Variants in EYS observed in about 807,000 individuals in gnomAD.
EYS encodes protein eyes shut homolog.
A neutral mutation model predicts 282.1 loss-of-function variants in EYS; 250 were observed. The ratio of observed to expected loss-of-function variants is 0.89; its 90% CI spans 0.80 to 0.98. The LOEUF (loss-of-function observed/expected upper bound fraction) is 0.98, where lower values mean the gene tolerates loss of function less well. Ranked by LOEUF, EYS falls within the 50% of genes least tolerant of loss-of-function variation. The probability of loss-of-function intolerance (pLI) is 0.00; values close to 1 mark genes in which losing one functional copy is unlikely to be tolerated. For missense variants in EYS, 4,016 were observed against 3,709.0 expected, an observed-to-expected ratio of 1.08 and a Z score of -2.15; for synonymous variants, 1,355 against 1,282.9, an observed-to-expected ratio of 1.06 and a Z score of -1.20.
At chr6:64,318,058 T>C (rs745339559) in intron 29 of EYS, among the ~76,000 whole-genome samples, 22 of 151,972 alleles carry the variant, frequency 1.4e-4, no homozygotes, top group Non-Finnish European at 2.9e-4. Context: ...GGAATAGCAT[T>C]GGGAGAAATA....
chr6:63,816,143 TACTA>T (rs1043086107), intron 36 of EYS, among the ~76,000 whole-genome samples: 1 of 152,148 alleles, frequency 6.6e-6, no homozygotes, highest in African/African-American at 2.4e-5. Context: ...TTCTAAGTAA[TACTA>T]ACAAAATAAA....
At chr6:64,841,030 G>C (rs975811898) in intron 19 of EYS, among the ~76,000 whole-genome samples, 10 of 151,792 alleles carry the variant, frequency 6.6e-5, no homozygotes, top group Middle Eastern at 6.8e-3. Context: ...TATTGCCCCT[G>C]TACAAAGCTT....
chr6:64,840,747 T>A (rs1245407175), intron 19 of EYS, among the ~76,000 whole-genome samples: 1 of 152,124 alleles, frequency 6.6e-6, no homozygotes, highest in Non-Finnish European at 1.5e-5. Context: ...AAATGATTTC[T>A]TTTTTATAAT....
intron 7 of EYS, among the ~76,000 whole-genome samples, chr6:65,388,401 G>A (rs548579897): frequency 1.3e-5 from 2 of 151,856 alleles, no homozygotes; most frequent in African/African-American, 4.8e-5. Context: ...AATTAAAACC[G>A]ATAAAAGTGG....
chr6:65,449,693 T>C (rs1244112336), intron 5 of EYS, among the ~76,000 whole-genome samples: 1 of 151,948 alleles, frequency 6.6e-6, no homozygotes, highest in Non-Finnish European at 1.5e-5. Context: ...GCAAGAAAAA[T>C]AAGCCTTACG....
chr6:64,295,020 T>A (rs143443507), intron 30 of EYS, among the ~76,000 whole-genome samples: 1 of 152,120 alleles, frequency 6.6e-6, no homozygotes, highest in African/African-American at 2.4e-5. Flanking sequence ...CATGAAAGAA[T>A]AACTAATATT....
chr6:63,808,409 C>T (rs1203103664), intron 36 of EYS, among the ~76,000 whole-genome samples: 1 of 152,138 alleles, frequency 6.6e-6, no homozygotes, highest in Non-Finnish European at 1.5e-5. Flanking sequence ...GGGCAATGAT[C>T]AAAGTTGCTT....
At chr6:65,611,298 T>C (rs13211922) in intron 2 of EYS, among the ~76,000 whole-genome samples, 12,778 of 151,958 alleles carry the variant, frequency 0.084, 649 homozygotes, top group South Asian at 0.15. Context: ...TCTGTATAAT[T>C]GCAATTTAAA....
intron 22 of EYS, among the ~76,000 whole-genome samples, chr6:64,633,424 A>G (rs1190264600): frequency 6.6e-6 from 1 of 151,900 alleles, no homozygotes; most frequent in Non-Finnish European, 1.5e-5. Flanking sequence ...GAAATGATCC[A>G]TATGCAGAAA....
chr6:64,787,989 A>G (rs1465615334), intron 22 of EYS, among the ~76,000 whole-genome samples: 1 of 151,928 alleles, frequency 6.6e-6, no homozygotes, highest in Non-Finnish European at 1.5e-5. Flanking sequence ...TGTCTATCTG[A>G]GTATAATAAT....
chr6:64,194,266 C>G (rs1765210926), intron 31 of EYS, among the ~76,000 whole-genome samples: 1 of 147,342 alleles, frequency 6.8e-6, no homozygotes, highest in Non-Finnish European at 1.5e-5. Context: ...GAAGTCTTGT[C>G]TATTCTGATA....
chr6:65,156,004 T>C (rs142865420), intron 12 of EYS, among the ~76,000 whole-genome samples: 36 of 151,498 alleles, frequency 2.4e-4, no homozygotes, highest in African/African-American at 8.7e-4. Flanking sequence ...CAAGCTTCAG[T>C]CTGTAGATTT....
chr6:64,375,708 A>C (rs1489180100), intron 29 of EYS, among the ~76,000 whole-genome samples: 1 of 152,218 alleles, frequency 6.6e-6, no homozygotes, highest in African/African-American at 2.4e-5. Context: ...AGTAAAGAAG[A>C]GGTTTGATTA....
At chr6:65,052,174 A>G (rs1307934518) in intron 13 of EYS, among the ~76,000 whole-genome samples, 2 of 151,544 alleles carry the variant, frequency 1.3e-5, no homozygotes, top group African/African-American at 4.8e-5. Flanking sequence ...GTGAAAAAAT[A>G]GCATTTTTCA....
At chr6:64,129,433 G>A (rs1400520268) in intron 31 of EYS, among the ~76,000 whole-genome samples, 1 of 152,124 alleles carries the variant, frequency 6.6e-6, no homozygotes, top group Non-Finnish European at 1.5e-5. Flanking sequence ...CTTTTGAGAA[G>A]TGTCTTGTCT....
At chr6:65,599,938 T>G (rs536032889) in intron 2 of EYS, among the ~76,000 whole-genome samples, 1 of 152,188 alleles carries the variant, frequency 6.6e-6, no homozygotes, top group Non-Finnish European at 1.5e-5. Context: ...ACAGAATTGG[T>G]TATGTGCTGT....
intron 12 of EYS, among the ~76,000 whole-genome samples, chr6:65,068,382 G>A (rs1035993027): frequency 1.3e-5 from 2 of 152,052 alleles, no homozygotes; most frequent in Non-Finnish European, 2.9e-5. Flanking sequence ...TTAATCAAGT[G>A]TGACCTCCAT....
intron 12 of EYS, among the ~76,000 whole-genome samples, chr6:65,262,112 A>T (rs2150258836): frequency 6.6e-6 from 1 of 152,190 alleles, no homozygotes; most frequent in South Asian, 2.1e-4. Context: ...TTAGTTCTAA[A>T]TAGCTCCCAG....
At chr6:65,615,532 T>C (rs988312497) in intron 2 of EYS, among the ~76,000 whole-genome samples, 11 of 151,998 alleles carry the variant, frequency 7.2e-5, no homozygotes, top group Admixed American at 2.0e-4. Flanking sequence ...TGATTTTTAA[T>C]TTTTTAAATA....
Sources: allele counts gnomAD v4.1 joint callset (sites outside exome capture counted in the v4.1 genomes callset), GRCh38; gene constraint gnomAD v4.1.1; transcripts MANE v1.5; gene names NCBI Gene and HGNC (gene_info 2026-07-23, HGNC 2026-07-21).